COL4A2: variants seen among roughly 807,000 people sequenced by gnomAD.
COL4A2 encodes the protein collagen type IV alpha 2 chain.
In COL4A2, 99 loss-of-function variants were observed where a neutral mutation model predicts 200.2. That is an observed-to-expected ratio of 0.49 (90% CI 0.42 to 0.58). COL4A2 has a LOEUF of 0.58. COL4A2 is among the 20% of genes least tolerant of loss of function. The pLI, the probability that COL4A2 is intolerant of heterozygous loss-of-function variation, is 0.00. For missense variants in COL4A2, 1,950 were observed against 2,314.1 expected, an observed-to-expected ratio of 0.84 and a Z score of 3.23; for synonymous variants, 897 against 900.6, an observed-to-expected ratio of 1.00 and a Z score of 0.07.
At chr13:110,425,224 G>T (rs1349795881) in intron 6 of COL4A2, among the ~76,000 whole-genome samples, 3 of 152,156 alleles carry the variant, frequency 2.0e-5, no homozygotes, top group African/African-American at 4.8e-5. Flanking sequence ...AGACGATTTT[G>T]CTAAACTGCA....
rs74941798 is a variant in COL4A2, at chr13:110,449,779, C to A, written c.1179C>A (p.Ile393=). ...TCCCAGGTCCCCCTGGCCTCTCCAT[C>A]GGAGATGGAGGTAATGTGGCTTCAT... ...PGLPGPPGLS[I]GDGDQRRGLP... The change falls in exon 19 of 48, where the codon ATC becomes ATA. Residue 393 remains isoleucine (I), a synonymous_variant. Transcript: ENST00000360467. The A allele has an allele frequency of 1.3e-6, 2 of 1,547,790 alleles. No individual in the cohort carries two copies. Among genetic ancestry groups the A allele is most frequent in the Non-Finnish European group, 1.7e-6 (2 of 1,146,434 alleles).
intron 10 of COL4A2, 146 bp downstream of exon 10, chr13:110,430,753 C>CGGACCATTCCTTGCACACTTTGCT: frequency 8.9e-7 from 1 of 1,117,396 alleles, no homozygotes; most frequent in Non-Finnish European, 1.4e-6. Context: ...CAAGACAAAA[C>CGGACCATTCCTTGCACACTTTGCT]GGACCATTCC....
intron 4 of COL4A2, among the ~76,000 whole-genome samples, chr13:110,411,980 G>T (rs1350961512): frequency 2.6e-5 from 4 of 152,180 alleles, no homozygotes; most frequent in African/African-American, 9.7e-5. Flanking sequence ...AAAGTGCTCC[G>T]AACAGTGAAC....
At position 110,357,480 on chromosome 13, in the gene COL4A2, G is replaced by A; in HGVS notation, c.108G>A (p.Lys36=). Residue 36 remains lysine (K), a synonymous_variant, in exon 4 of 48, where the codon AAG becomes AAA. Coordinates refer to ENST00000360467, the MANE Select transcript of COL4A2 (RefSeq NM_001846.4). ...GTGTTTTATTGTTGCAGGGTGTGAA[G>A]AAGTTTGATGTGCCGTGTGGAGGAA... ...FLAQSVLAGV[K]KFDVPCGGRD... 6.3e-7 allele frequency: 1 copy of A among 1,590,502 alleles called. No individual in the cohort carries two copies. The highest frequency in any genetic ancestry group is 2.3e-5 in the East Asian group (1 of 44,016).
chr13:110,458,322 C>A (rs1167485035), intron 21 of COL4A2: 1 of 356,430 alleles, frequency 2.8e-6, no homozygotes, highest in Non-Finnish European at 5.6e-6. Context: ...TCAGGCATGT[C>A]TTCCCTGCTC....
chr13:110,448,606 G>T (rs964253936), intron 18 of COL4A2, among the ~76,000 whole-genome samples: 4 of 152,156 alleles, frequency 2.6e-5, no homozygotes, highest in Non-Finnish European at 5.9e-5. Context: ...AGGATAGAGG[G>T]GTTTGTATTA....
intron 32 of COL4A2, among the ~76,000 whole-genome samples, chr13:110,483,308 GC>G (rs1437510023): frequency 1.3e-5 from 2 of 152,228 alleles, no homozygotes; most frequent in Admixed American, 1.3e-4. Flanking sequence ...CAGGCTGCCA[GC>G]AGGAGTGTAA....
At position 110,424,958 on chromosome 13, in the gene COL4A2, A is replaced by T; in HGVS notation, c.321A>T (p.Ala107=). 6.2e-7 allele frequency: 1 copy of T among 1,614,244 alleles called. No individual in the cohort carries two copies. Among genetic ancestry groups the T allele is most frequent in the Non-Finnish European group, 8.5e-7 (1 of 1,180,052 alleles). The change falls in exon 6 of 48, where the codon GCA becomes GCT. Residue 107 remains alanine (A), a synonymous_variant. Transcript: ENST00000360467. ...TGCATTTGCTTTCTTCATAGGGAGC[A>T]AGAGGCGTTTCTGGATTCCCTGGTG... The part of the protein sequence containing the change: ...GVTGPKGDVG[A]RGVSGFPGAD...
chr13:110,468,009 T>A, intron 27 of COL4A2: 1 of 377,052 alleles, frequency 2.7e-6, no homozygotes, highest in Middle Eastern at 9.8e-4. Flanking sequence ...CTATGCAAGA[T>A]GAATAGTGCA....
chr13:110,495,550 G>T, intron 40 of COL4A2, 83 bp downstream of exon 40: 1 of 1,521,660 alleles, frequency 6.6e-7, no homozygotes, highest in Admixed American at 2.1e-5. Context: ...TGTCTATGGG[G>T]TGGGAGAGGC....
chr13:110,446,689 T>C (rs1378072300), intron 17 of COL4A2, 109 bp from the exon 18 acceptor site: 1 of 873,718 alleles, frequency 1.1e-6, no homozygotes, highest in South Asian at 1.6e-5. Flanking sequence ...AAATAGCTGC[T>C]CTGCCAGCCT....
chr13:110,465,442 A>C lies in COL4A2; in HGVS notation c.1814A>C (p.Tyr605Ser), dbSNP rs1882199846. 2.5e-6 allele frequency: 4 copies of C among 1,613,794 alleles called. No individual in the cohort carries two copies. Among genetic ancestry groups the C allele is most frequent in the East Asian group, 2.2e-5 (1 of 44,882 alleles). ...AAGGGCCCTCCAGGGGACCCAGGCTATCCAGGAATACCTGGAACGAAGGGT... is the reference window on the plus strand; with the variant it reads ...AAGGGCCCTCCAGGGGACCCAGGCTCTCCAGGAATACCTGGAACGAAGGGT... ...GIKGPPGDPG[Y>S]PGIPGTKGTP... Residue 605 changes from tyrosine to serine, a missense_variant, in exon 25 of 48, where the codon TAT becomes TCT. Physicochemically the swap from Tyr to Ser is moderately radical, Grantham distance 144. This residue lies in a region of COL4A2 where 1,385 missense variants were observed against 1,720.5 expected (regional missense o/e 0.80). Transcript: ENST00000360467.
intron 27 of COL4A2, among the ~76,000 whole-genome samples, chr13:110,467,796 G>C (rs759251641): frequency 3.9e-5 from 6 of 152,248 alleles, no homozygotes; most frequent in Non-Finnish European, 5.9e-5. Flanking sequence ...AGGAGGGCTG[G>C]ACCCTGAGAG....
chr13:110,468,643 G>A (rs1882345077), intron 27 of COL4A2, among the ~76,000 whole-genome samples: 1 of 152,152 alleles, frequency 6.6e-6, no homozygotes, highest in African/African-American at 2.4e-5. Flanking sequence ...TAAGAGTGAG[G>A]GTGGGTTTGA....
At chr13:110,451,389 C>G (rs908421141) in intron 20 of COL4A2, among the ~76,000 whole-genome samples, 1 of 152,312 alleles carries the variant, frequency 6.6e-6, no homozygotes, top group East Asian at 1.9e-4. Context: ...TGTATTAGTT[C>G]GTTCTCACGC....
At chr13:110,309,776 T>C (rs568690172) in intron 3 of COL4A2, among the ~76,000 whole-genome samples, 6 of 152,128 alleles carry the variant, frequency 3.9e-5, no homozygotes, top group African/African-American at 7.2e-5. Context: ...TTGCCTGAGC[T>C]CAGGAGTTCG....
At chr13:110,440,762 C>G (rs909013885) in intron 16 of COL4A2, among the ~76,000 whole-genome samples, 8 of 152,336 alleles carry the variant, frequency 5.3e-5, no homozygotes, top group African/African-American at 1.7e-4. Context: ...GCACACAGCA[C>G]ACGCCTCCTA....
intron 20 of COL4A2, 25 bp downstream of exon 20, chr13:110,450,479 G>A (rs1566540141): frequency 3.1e-6 from 5 of 1,612,288 alleles, no homozygotes; most frequent in African/African-American, 1.3e-5. Context: ...ACAAAAGGGA[G>A]GGTGTAGCCT....
At chr13:110,455,448 A>G (rs183133758) in intron 20 of COL4A2, among the ~76,000 whole-genome samples, 97 of 151,858 alleles carry the variant, frequency 6.4e-4, no homozygotes, top group Non-Finnish European at 1.3e-3. Flanking sequence ...CCCCCAAAAC[A>G]TTTCACTGGG....
Sources: gnomAD v4.1 joint callset for allele counts (sites outside exome capture counted in the v4.1 genomes callset) on GRCh38, gnomAD v4.1.1 for gene constraint, gnomAD v4.1.1 regional missense constraint, MANE v1.5 for transcripts, NCBI Gene and HGNC (gene_info 2026-07-23, HGNC 2026-07-21) for gene names.